Variants in TNFSF10 observed in about 807,000 individuals in gnomAD.
TNFSF10 encodes tumor necrosis factor ligand superfamily member 10.
TNFSF10 carries 13 observed loss-of-function variants against 29.5 expected under a neutral mutation model. The ratio of observed to expected loss-of-function variants is 0.44; its 90% CI spans 0.29 to 0.70. The LOEUF (loss-of-function observed/expected upper bound fraction) is 0.70, where lower values mean the gene tolerates loss of function less well. Ranked by LOEUF, TNFSF10 falls within the 30% of genes least tolerant of loss-of-function variation. The probability of loss-of-function intolerance (pLI) is 0.13; values close to 1 mark genes in which losing one functional copy is unlikely to be tolerated. For synonymous variants in TNFSF10, 111 were observed against 112.8 expected, an observed-to-expected ratio of 0.98 and a Z score of 0.10; for missense variants, 345 against 330.9, an observed-to-expected ratio of 1.04 and a Z score of -0.33.
intron 3 of TNFSF10, 64 bp from the exon 4 acceptor site, chr3:172,509,385 T>A (rs1431959604): frequency 1.6e-6 from 2 of 1,283,878 alleles, no homozygotes; most frequent in Non-Finnish European, 2.2e-6. Flanking sequence ...ACCTTGCTCT[T>A]CATAGGTGTT....
At chr3:172,508,705 C>T (rs1713095781) in intron 4 of TNFSF10, among the ~76,000 whole-genome samples, 1 of 152,120 alleles carries the variant, frequency 6.6e-6, no homozygotes, top group Non-Finnish European at 1.5e-5. Context: ...GCCTGACCAA[C>T]ATGGAGAAAT....
In TNFSF10 at chr3:172,506,667, T is replaced by C. The variant is rs1712996807; in HGVS notation, c.671A>G (p.Lys224Arg). The change falls in exon 5 of 5, where the codon AAA becomes AGA. Residue 224 changes from lysine (K) to arginine (R), a missense_variant. By Grantham distance (26) the Lys-to-Arg change is conservative (BLOSUM62 2). Transcript: ENST00000241261. The part of the protein sequence containing the change: ...TSYPDPILLM[K>R]SARNSCWSKD... ...AGACCAACAACTATTTCTAGCACTT[T>C]TCATCAACAATATAGGGTCAGGATA... 6.2e-7 allele frequency: 1 copy of C among 1,614,214 alleles called. No homozygotes were observed. The highest frequency in any genetic ancestry group is 8.5e-7 in the Non-Finnish European group (1 of 1,180,022).
Position 172,520,246 on chromosome 3 carries a change from G to A in TNFSF10, c.132+3007C>T, listed in dbSNP as rs149683275. Reference sequence around the variant, plus strand: ...TAAATTAAAATAGCACTGTTTGTTTGTTTTGTCTGTCAAAGATACCTCAAT... The same window carrying A: ...TAAATTAAAATAGCACTGTTTGTTTATTTTGTCTGTCAAAGATACCTCAAT... On this transcript the variant is annotated intron_variant, in intron 1 of 4. Coordinates refer to ENST00000241261, the MANE Select transcript of TNFSF10 (RefSeq NM_003810.4). Among the ~76,000 whole-genome samples the A allele has an allele frequency of 7.0e-3, 1,069 of 152,268 alleles. 6 individuals carry two copies. Among genetic ancestry groups the A allele is most frequent in the African/African-American group, 0.025 (1,031 of 41,558 alleles).
chr3:172,515,824 T>C (rs1577013368), intron 1 of TNFSF10, among the ~76,000 whole-genome samples: 1 of 152,252 alleles, frequency 6.6e-6, no homozygotes, highest in East Asian at 1.9e-4. Context: ...CTGATAATTG[T>C]TTAATTGAGA....
intron 1 of TNFSF10, chr3:172,517,552 AAAAAC>A (rs1197733874): frequency 5.1e-5 from 50 of 985,266 alleles, no homozygotes; most frequent in Non-Finnish European, 6.0e-5. Flanking sequence ...AGTAAATCAC[AAAAAC>A]AAAACAAAAC....
At chr3:172,523,152 G>A (rs1163189209) in intron 1 of TNFSF10, 101 bp downstream of exon 1, 3 of 1,393,096 alleles carry the variant, frequency 2.2e-6, no homozygotes, top group South Asian at 1.6e-5. Flanking sequence ...GAGAAAGGAA[G>A]CAGGAAAGTC....
intron 1 of TNFSF10, chr3:172,518,562 C>A (rs1713545176): frequency 2.0e-6 from 2 of 989,022 alleles, no homozygotes; most frequent in Non-Finnish European, 1.4e-6. Flanking sequence ...ACAGGCCATT[C>A]CTTTATCATA....
At chr3:172,515,662 T>C (rs1713398086) in intron 1 of TNFSF10, among the ~76,000 whole-genome samples, 1 of 152,064 alleles carries the variant, frequency 6.6e-6, no homozygotes, top group African/African-American at 2.4e-5. Flanking sequence ...CTTTGAAGGT[T>C]TTCTCCCTGT....
chr3:172,518,265 G>T, intron 1 of TNFSF10: 1 of 1,157,448 alleles, frequency 8.6e-7, no homozygotes, highest in South Asian at 1.8e-5. Context: ...AGCTCCAGAA[G>T]CCCTTGGTTC....
At position 172,506,325 on chromosome 3, in the gene TNFSF10, G is replaced by T; in HGVS notation, c.*167C>A. On this transcript the variant is annotated 3_prime_UTR_variant, in exon 5 of 5. Coordinates refer to ENST00000241261, the MANE Select transcript of TNFSF10 (RefSeq NM_003810.4). ...AGTCACTTTCAGAACAGTGTGTGTT[G>T]TAGAATTTTTTGGTTGTGGCTGCTC... 1 of 699,464 alleles carries T rather than the reference G, an allele frequency of 1.4e-6. No individual in the cohort carries two copies. The highest frequency in any genetic ancestry group is 2.3e-6 in the Non-Finnish European group (1 of 434,018). 43.3% of individuals were successfully genotyped at this position (699,464 alleles called of 1,614,324 possible).
intron 2 of TNFSF10, among the ~76,000 whole-genome samples, chr3:172,512,607 T>C (rs1713270744): frequency 6.6e-6 from 1 of 152,206 alleles, no homozygotes; most frequent in African/African-American, 2.4e-5. Flanking sequence ...ATCAGTTCCC[T>C]GGGCACTGAC....
intron 4 of TNFSF10, 164 bp downstream of exon 4, chr3:172,509,049 TTGTC>T: frequency 6.7e-6 from 3 of 449,568 alleles, no homozygotes; most frequent in Middle Eastern, 6.0e-4. Flanking sequence ...ATTGAGCTGT[TTGTC>T]TGTAATCTTG....
Position 172,514,968 on chromosome 3 carries a change from C to A in TNFSF10, c.163G>T (p.Ala55Ser). The A allele has an allele frequency of 6.2e-7, 1 of 1,614,088 alleles. No homozygotes were observed. The highest frequency in any genetic ancestry group is 2.2e-5 in the East Asian group (1 of 44,882). ...CTGTCATCTTCTTTTAAGAAACAAG[C>A]AATGCCACTTTTGGAGTACTTGTCC... ...MQDKYSKSGIACFLKEDDSYW... is the reference protein window; with the variant it reads ...MQDKYSKSGISCFLKEDDSYW... Residue 55 changes from alanine (A) to serine (S), a missense_variant, in exon 2 of 5, where the codon GCT becomes TCT. Physicochemically the swap from Ala to Ser is moderately conservative, Grantham distance 99. Coordinates refer to ENST00000241261, the MANE Select transcript of TNFSF10 (RefSeq NM_003810.4).
chr3:172,506,979 GC>G (rs111284464), intron 4 of TNFSF10, 60 bp from the exon 5 acceptor site: 971,862 of 1,437,680 alleles, frequency 0.68, 330,456 homozygotes, highest in African/African-American at 0.78. Context: ...AAAGCAAGGA[GC>G]TTTTTTGCAG....
intron 1 of TNFSF10, chr3:172,518,241 G>A: frequency 8.8e-7 from 1 of 1,140,718 alleles, no homozygotes; most frequent in South Asian, 1.9e-5. Flanking sequence ...TCTTGCACTG[G>A]GTGCCTGTTC....
chr3:172,520,524 G>A (rs1038944059), intron 1 of TNFSF10, among the ~76,000 whole-genome samples: 3 of 152,224 alleles, frequency 2.0e-5, no homozygotes, highest in Non-Finnish European at 2.9e-5. Context: ...AATACAAAAC[G>A]GGAGTGTTCA....
At position 172,523,279 on chromosome 3, in the gene TNFSF10, C is replaced by A. The variant is rs531730514; in HGVS notation, c.106G>T (p.Val36Leu). The change falls in exon 1 of 5, where the codon GTG (valine) becomes TTG (leucine). Residue 36 changes from valine (V) to leucine (L), a missense_variant. Val to Leu is a conservative substitution (Grantham distance 32). Transcript: ENST00000241261. ...LQSLCVAVTYVYFTNELKQMQ... is the reference protein window; with the variant it reads ...LQSLCVAVTYLYFTNELKQMQ... ...TGCTTCAGCTCGTTGGTAAAGTACA[C>A]GTAAGTTACAGCCACACAGAGAGAC... is the stretch of plus-strand genomic sequence containing the variant. 4.2e-5 allele frequency: 67 copies of A among 1,613,832 alleles called. 1 individual carries two copies. In the South Asian group the frequency reaches 7.1e-4, roughly 17 times the overall value.
chr3:172,518,736 C>G (rs532226213), intron 1 of TNFSF10, among the ~76,000 whole-genome samples: 1 of 152,184 alleles, frequency 6.6e-6, no homozygotes, highest in African/African-American at 2.4e-5. Context: ...CAAATGTTCA[C>G]CAGACAAAGT....
Position 172,514,939 on chromosome 3 carries a change from A to G in TNFSF10, c.192T>C (p.Tyr64=), listed in dbSNP as rs1713370299. The change falls in exon 2 of 5, where the codon TAT becomes TAC. Residue 64 remains tyrosine, a synonymous_variant. Transcript: ENST00000241261. The part of the protein sequence containing the change: ...IACFLKEDDS[Y]WDPNDEESMN... ...TACTCTCTTCGTCATTGGGGTCCCA[A>G]TAACTGTCATCTTCTTTTAAGAAAC... The G allele has an allele frequency of 1.2e-6, 2 of 1,614,104 alleles. No homozygotes were observed. The highest frequency in any genetic ancestry group is 1.3e-5 in the African/African-American group (1 of 74,936).
Sources: allele counts gnomAD v4.1 joint callset (sites outside exome capture counted in the v4.1 genomes callset), GRCh38; gene constraint gnomAD v4.1.1; transcripts MANE v1.5; gene names NCBI Gene and HGNC (gene_info 2026-07-23, HGNC 2026-07-21).